SHISA9: variants seen among roughly 807,000 people sequenced by gnomAD.
SHISA9 encodes shisa family member 9.
A neutral mutation model predicts 38.0 loss-of-function variants in SHISA9; 13 were observed. That is an observed-to-expected ratio of 0.34 (90% CI 0.22 to 0.54). SHISA9 has a LOEUF of 0.54. Among genes scored for constraint, SHISA9 ranks in the 20% least tolerant of loss-of-function variants. The pLI is 0.91. For synonymous variants in SHISA9, 275 were observed against 242.0 expected, an observed-to-expected ratio of 1.14 and a Z score of -1.27; for missense variants, 538 against 575.8, an observed-to-expected ratio of 0.93 and a Z score of 0.67.
chr16:13,416,964 A>C, the SHISA9 span, among the ~76,000 whole-genome samples: 106,957 of 152,096 alleles, frequency 0.7, 37,874 homozygotes, highest in East Asian at 0.81. Flanking sequence ...AAATTTCTTA[A>C]AATTACCTCT....
At chr16:13,363,472 G>A in the SHISA9 span, among the ~76,000 whole-genome samples, 1 of 152,226 alleles carries the variant, frequency 6.6e-6, no homozygotes, top group East Asian at 1.9e-4. Flanking sequence ...TAGGGAGGTG[G>A]AGAGGATGGT....
the SHISA9 span, among the ~76,000 whole-genome samples, chr16:13,418,925 T>C: frequency 5.9e-5 from 9 of 152,190 alleles, no homozygotes; most frequent in Non-Finnish European, 1.2e-4. Context: ...AATAGCCTGA[T>C]TAATGAGGCA....
chr16:13,027,462 A>C (rs2072936838), intron 2 of SHISA9, among the ~76,000 whole-genome samples: 1 of 152,210 alleles, frequency 6.6e-6, no homozygotes, highest in South Asian at 2.1e-4. Context: ...AAGAGAATTG[A>C]AAATTATGTC....
At chr16:13,183,045 G>C (rs906673033) in intron 2 of SHISA9, among the ~76,000 whole-genome samples, 2 of 152,212 alleles carry the variant, frequency 1.3e-5, no homozygotes, top group African/African-American at 4.8e-5. Flanking sequence ...TGTAGCCTGG[G>C]CTTCCCTACA....
At chr16:13,014,891 T>G (rs2072722895) in intron 2 of SHISA9, among the ~76,000 whole-genome samples, 1 of 152,240 alleles carries the variant, frequency 6.6e-6, no homozygotes. Context: ...CACCCATTAT[T>G]TAGTTATTTG....
chr16:13,268,440 C>A, the SHISA9 span, among the ~76,000 whole-genome samples: 5 of 152,126 alleles, frequency 3.3e-5, no homozygotes, highest in African/African-American at 1.2e-4. Flanking sequence ...ACCTGGGAGG[C>A]AGAGGTTGCA....
chr16:13,108,018 A>T (rs1230894), intron 2 of SHISA9, among the ~76,000 whole-genome samples: 33,032 of 152,026 alleles, frequency 0.22, 3,769 homozygotes, highest in Non-Finnish European at 0.25. Context: ...GACAATGAGT[A>T]TGTAATATGT....
intron 2 of SHISA9, among the ~76,000 whole-genome samples, chr16:12,996,655 G>A (rs940682500): frequency 1.3e-5 from 2 of 152,100 alleles, no homozygotes; most frequent in Non-Finnish European, 2.9e-5. Context: ...TTTAACCTGG[G>A]ATCTATGGGT....
the SHISA9 span, among the ~76,000 whole-genome samples, chr16:13,422,217 A>C: frequency 6.6e-6 from 1 of 152,014 alleles, no homozygotes. Flanking sequence ...GTGAGGCTCC[A>C]AGGATGTAAC....
the SHISA9 span, among the ~76,000 whole-genome samples, chr16:13,295,028 A>T: frequency 6.6e-6 from 1 of 152,092 alleles, no homozygotes; most frequent in Non-Finnish European, 1.5e-5. Flanking sequence ...TTTACAGATT[A>T]AAAAAACTGG....
At chr16:13,376,451 C>T in the SHISA9 span, among the ~76,000 whole-genome samples, 1 of 152,168 alleles carries the variant, frequency 6.6e-6, no homozygotes, top group South Asian at 2.1e-4. Flanking sequence ...GGGGAAATCC[C>T]ATGTCAGCCC....
At chr16:13,163,628 A>G (rs2050613344) in intron 2 of SHISA9, among the ~76,000 whole-genome samples, 2 of 152,120 alleles carry the variant, frequency 1.3e-5, no homozygotes, top group Non-Finnish European at 2.9e-5. Context: ...TGAACATGAC[A>G]TATTTCTACA....
chr16:13,390,200 G>T, the SHISA9 span, among the ~76,000 whole-genome samples: 5 of 151,838 alleles, frequency 3.3e-5, no homozygotes, highest in South Asian at 1.0e-3. Context: ...GATACCAGGT[G>T]CACCAGAAGC....
the SHISA9 span, among the ~76,000 whole-genome samples, chr16:13,426,200 T>C: frequency 6.6e-6 from 1 of 152,202 alleles, no homozygotes; most frequent in Non-Finnish European, 1.5e-5. Flanking sequence ...ATTGGGAGCT[T>C]ACTACACGTC....
At chr16:13,053,963 A>C (rs2073282219) in intron 2 of SHISA9, among the ~76,000 whole-genome samples, 1 of 152,340 alleles carries the variant, frequency 6.6e-6, no homozygotes, top group African/African-American at 2.4e-5. Flanking sequence ...TGACGATTCC[A>C]GCTGGAGGAG....
chr16:13,030,193 C>G (rs2072974104), intron 2 of SHISA9, among the ~76,000 whole-genome samples: 3 of 152,178 alleles, frequency 2.0e-5, no homozygotes, highest in African/African-American at 7.2e-5. Flanking sequence ...TCCTTGGTAC[C>G]TCCATTCTTA....
chr16:13,013,581 C>A (rs897334404), intron 2 of SHISA9, among the ~76,000 whole-genome samples: 1 of 152,134 alleles, frequency 6.6e-6, no homozygotes, highest in Admixed American at 6.5e-5. Context: ...CATCAAATAT[C>A]CTGTTATAAG....
chr16:13,546,833 T>C, the SHISA9 span, among the ~76,000 whole-genome samples: 4 of 152,204 alleles, frequency 2.6e-5, no homozygotes, highest in African/African-American at 9.7e-5. Context: ...TACGGTCTGT[T>C]AAGCCTAAAA....
chr16:13,247,490 C>T, the SHISA9 span, among the ~76,000 whole-genome samples: 10 of 152,100 alleles, frequency 6.6e-5, no homozygotes, highest in Admixed American at 6.6e-4. Flanking sequence ...AGAATCTAAA[C>T]CTGGAGTTTT....
Sources: gnomAD v4.1 joint callset for allele counts (sites outside exome capture counted in the v4.1 genomes callset) on GRCh38, gnomAD v4.1.1 for gene constraint, MANE v1.5 for transcripts, NCBI Gene and HGNC (gene_info 2026-07-23, HGNC 2026-07-21) for gene names.